Variants in SF3B2 observed in about 807,000 individuals in gnomAD.
The protein encoded by SF3B2 is splicing factor 3b subunit 2, also known as SAP 145.
In SF3B2, 22 loss-of-function variants were observed where a neutral mutation model predicts 116.3. The observed-to-expected ratio is 0.19, with a 90% CI of 0.14 to 0.27. The LOEUF (loss-of-function observed/expected upper bound fraction) is 0.27, where lower values mean the gene tolerates loss of function less well. SF3B2 is among the 10% of genes least tolerant of loss of function. The pLI, the probability that SF3B2 is intolerant of heterozygous loss-of-function variation, is 1.00. For missense variants in SF3B2, 767 were observed against 1,151.4 expected (o/e 0.67, Z 4.83); for synonymous variants, 406 against 421.6 (o/e 0.96, Z 0.45).
chr11:66,068,509 A>C, intron 21 of SF3B2, 165 bp from the exon 22 acceptor site: 1 of 861,030 alleles, frequency 1.2e-6, no homozygotes. Flanking sequence ...TTTAAGGACG[A>C]TGAGGGGGAG....
At chr11:66,061,337 G>C (rs1022127385) in intron 14 of SF3B2, among the ~76,000 whole-genome samples, 1 of 152,182 alleles carries the variant, frequency 6.6e-6, no homozygotes, top group Non-Finnish European at 1.5e-5. Flanking sequence ...AATATTGGGA[G>C]TGGTAGAGAA....
chr11:66,061,674 C>T lies in SF3B2; in HGVS notation c.1780-12C>T, dbSNP rs780399416. On this transcript the variant is annotated splice_polypyrimidine_tract_variant and intron_variant, in intron 14 of 21. Coordinates refer to ENST00000322535, the MANE Select transcript of SF3B2 (RefSeq NM_006842.3). Reference sequence around the variant, plus strand: ...TGGGTCTACAATGTAGCATGCTCTGCTTTTCCCTCAGGGGAAGGAGTTCGA... The same window carrying T: ...TGGGTCTACAATGTAGCATGCTCTGTTTTTCCCTCAGGGGAAGGAGTTCGA... 4.7e-5 allele frequency: 76 copies of T among 1,607,714 alleles called. No individual in the cohort carries two copies. In the Admixed American group the frequency reaches 1.3e-3, roughly 26 times the overall value.
chr11:66,056,672 G>A (rs532934210), intron 5 of SF3B2, among the ~76,000 whole-genome samples, 166 bp from the exon 6 acceptor site: 68 of 152,250 alleles, frequency 4.5e-4, no homozygotes, highest in African/African-American at 1.5e-3. Flanking sequence ...GGGCTCCTCC[G>A]TTTGGATTAG....
At chr11:66,053,780 T>C (rs566681553) in intron 3 of SF3B2, 520 of 153,404 alleles carry the variant, frequency 3.4e-3, no homozygotes, top group Non-Finnish European at 5.8e-3. Flanking sequence ...AGTGGGTTGA[T>C]AGGTGCAGCA....
chr11:66,065,898 A>G (rs1054284955), intron 19 of SF3B2: 1 of 152,172 alleles, frequency 6.6e-6, no homozygotes, highest in East Asian at 1.9e-4. Flanking sequence ...TTTATGACGG[A>G]GTCTTGCCCT....
chr11:66,066,315 C>G (rs1162609803), intron 19 of SF3B2: 1 of 150,408 alleles, frequency 6.6e-6, no homozygotes, highest in Non-Finnish European at 1.5e-5. Flanking sequence ...TTTTTCTTTT[C>G]CTTTCTTTTT....
chr11:66,067,493 G>C (rs1229253567), intron 19 of SF3B2: 2 of 456,444 alleles, frequency 4.4e-6, no homozygotes, highest in Non-Finnish European at 8.8e-6. Context: ...TGTAATCCTT[G>C]AAATTAGTGG....
chr11:66,052,521 A>G lies in SF3B2; in HGVS notation c.133+4A>G. ...GAGATCGGAGCTCCGATCCAGGGTG[A>G]GGAACACAGGAAGTCGAGGGGCCTT... On this transcript the variant is annotated splice_donor_region_variant and intron_variant, in intron 1 of 21. Transcript: ENST00000322535. 1 of 1,610,584 alleles carries G rather than the reference A, an allele frequency of 6.2e-7. No individual in the cohort carries two copies. The highest frequency in any genetic ancestry group is 8.5e-7 in the Non-Finnish European group (1 of 1,177,976).
intron 19 of SF3B2, chr11:66,067,528 G>A (rs1202930940): frequency 2.2e-6 from 1 of 456,886 alleles, no homozygotes. Flanking sequence ...GATGGCTCTT[G>A]CGTTGGAAGG....
In SF3B2 at chr11:66,053,081, G is replaced by T. The variant is rs1376676719; in HGVS notation, c.235G>T (p.Ala79Ser). Residue 79 changes from alanine (A) to serine (S), a missense_variant, in exon 3 of 22, where the codon GCT (alanine) becomes TCT (serine). By Grantham distance (99) the Ala-to-Ser change is moderately conservative. Coordinates refer to ENST00000322535, the MANE Select transcript of SF3B2 (RefSeq NM_006842.3). ...GAGAGGGGAAGATGGGGACAAAGCC[G>T]CTCCACCTCCCATGTCGGCACAGGT... is the stretch of plus-strand genomic sequence containing the variant. ...VLRGEDGDKA[A>S]PPPMSAQLPG... The T allele has an allele frequency of 1.2e-6, 2 of 1,614,054 alleles. 1 individual carries two copies. The highest frequency in any genetic ancestry group is 3.3e-5 in the Admixed American group (2 of 60,012).
chr11:66,059,950 C>T lies in SF3B2; in HGVS notation c.1570C>T (p.Leu524=). The change falls in exon 13 of 22, where the codon CTG becomes TTG. Residue 524 remains leucine (L), a synonymous_variant. Coordinates refer to ENST00000322535, the MANE Select transcript of SF3B2 (RefSeq NM_006842.3). This position sits in a 1 kb window ranked among gnomAD's most constrained non-coding sequence, Gnocchi z 5.0. ...GGGCATTGAGAAGCCCCCCTTCGAGCTGCCAGACTTCATCAAACGCACAGG... is the reference window on the plus strand; with the variant it reads ...GGGCATTGAGAAGCCCCCCTTCGAGTTGCCAGACTTCATCAAACGCACAGG... ...KRGIEKPPFE[L]PDFIKRTGIQ... The T allele has an allele frequency of 6.2e-7, 1 of 1,614,214 alleles. No homozygotes were observed. The highest frequency in any genetic ancestry group is 8.5e-7 in the Non-Finnish European group (1 of 1,180,040).
At chr11:66,054,858 G>T (rs572665875) in intron 3 of SF3B2, among the ~76,000 whole-genome samples, 1 of 152,274 alleles carries the variant, frequency 6.6e-6, no homozygotes, top group East Asian at 1.9e-4. Flanking sequence ...CTATATTCAG[G>T]ATATCTTTTT....
intron 16 of SF3B2, among the ~76,000 whole-genome samples, chr11:66,062,503 T>G (rs1461218572): frequency 6.6e-6 from 1 of 150,730 alleles, no homozygotes. Context: ...AAAAAAGAAA[T>G]AATTTTTTTT....
At position 66,059,990 on chromosome 11, in the gene SF3B2, G is replaced by A. The variant is rs1208572902; in HGVS notation, c.1610G>A (p.Arg537Gln). 1.2e-6 allele frequency: 2 copies of A among 1,613,842 alleles called. No individual in the cohort carries two copies. The highest frequency in any genetic ancestry group is 1.7e-6 in the Non-Finnish European group (2 of 1,180,000). ...AAACGCACAGGCATCCAGGAGATGC[G>A]AGAGGCCCTGCAGGAGAAGGTGAGG... is the stretch of plus-strand genomic sequence containing the variant. Reference protein sequence around the residue: ...FIKRTGIQEMREALQEKEEQK... With the variant: ...FIKRTGIQEMQEALQEKEEQK... Residue 537 changes from arginine to glutamine, a missense_variant, in exon 13 of 22, where the codon CGA (arginine) becomes CAA (glutamine). By Grantham distance (43) the Arg-to-Gln change is conservative. This residue lies in a region of SF3B2 where 282 missense variants were observed against 568.0 expected (regional missense o/e 0.50). Transcript: ENST00000322535. This position sits in a 1 kb window ranked among gnomAD's most constrained non-coding sequence, Gnocchi z 5.0.
rs576646869 is a variant in SF3B2, at chr11:66,060,578, A to G, written c.1630-4A>G. The G allele has an allele frequency of 2.5e-5, 40 of 1,614,164 alleles. No individual in the cohort carries two copies. The East Asian group carries it at 4.2e-4, about 17-fold the overall frequency. ...TAAGGCTTGTTTGCTGCCATTCTCC[A>G]CAGGAAGAACAGAAGACCATGAAGT... On this transcript the variant is annotated splice_polypyrimidine_tract_variant and splice_region_variant and intron_variant, in intron 13 of 21. Coordinates refer to ENST00000322535, the MANE Select transcript of SF3B2 (RefSeq NM_006842.3).
chr11:66,063,529 A>T lies in SF3B2; in HGVS notation c.2215A>T (p.Thr739Ser), dbSNP rs1230125408. 1 of 1,613,604 alleles carries T rather than the reference A, an allele frequency of 6.2e-7. No individual in the cohort carries two copies. Among genetic ancestry groups the T allele is most frequent in the Admixed American group, 1.7e-5 (1 of 59,922 alleles). Residue 739 changes from threonine to serine, a missense_variant, in exon 18 of 22, where the codon ACC becomes TCC. Physicochemically the swap from Thr to Ser is moderately conservative, Grantham distance 58. Around this residue, in one of 4 missense-constraint regions of SF3B2, gnomAD observed 282 missense variants for 568.0 expected, o/e 0.50. Transcript: ENST00000322535. The stretch of plus-strand genomic sequence containing the variant: ...CAAACCAGATGAGACAGGCTTTATT[A>T]CCCCTGCAGACAGGTGGGGGAAGCA... ...EDKPDETGFI[T>S]PADSGLITPG...
intron 2 of SF3B2, 40 bp downstream of exon 2, chr11:66,052,759 C>T (rs1396346073): frequency 5.2e-6 from 8 of 1,533,194 alleles, no homozygotes; most frequent in South Asian, 1.3e-5. Context: ...GGCCGAGCTT[C>T]TCCAGGAGAC....
chr11:66,058,020 T>G, intron 7 of SF3B2, 34 bp from the exon 8 acceptor site: 2 of 1,432,054 alleles, frequency 1.4e-6, no homozygotes, highest in South Asian at 1.3e-5. Flanking sequence ...AAGGGCACTG[T>G]GATTTGCCTT....
In SF3B2 at chr11:66,061,938, T is replaced by C. The variant is rs765527754; in HGVS notation, c.1917T>C (p.Tyr639=). The C allele has an allele frequency of 1.9e-6, 3 of 1,613,872 alleles. No homozygotes were observed. Among genetic ancestry groups the C allele is most frequent in the Non-Finnish European group, 1.7e-6 (2 of 1,179,936 alleles). Residue 639 remains tyrosine (Y), a synonymous_variant, in exon 16 of 22, where the codon TAT becomes TAC. Transcript: ENST00000322535. ...CATGGCTGATTGCCATGCAGCGATA[T>C]GGACCACCCCCATCGTATCCCAACC... ...PPPWLIAMQR[Y]GPPPSYPNLK...
Sources: gnomAD v4.1 joint callset for allele counts (sites outside exome capture counted in the v4.1 genomes callset) on GRCh38, gnomAD v4.1.1 for gene constraint, gnomAD v4.1.1 regional missense constraint, Gnocchi (gnomAD v3.1) non-coding constraint, MANE v1.5 for transcripts, NCBI Gene and HGNC (gene_info 2026-07-23, HGNC 2026-07-21) for gene names.